TAFA4: variants seen among roughly 807,000 people sequenced by gnomAD.
TAFA4 encodes TAFA chemokine like family member 4.
TAFA4 carries 20 observed loss-of-function variants against 21.1 expected under a neutral mutation model. That is an observed-to-expected ratio of 0.95 (90% CI 0.67 to 1.38). TAFA4 has a LOEUF of 1.38. Ranked by LOEUF, TAFA4 falls within the 40% of genes most tolerant of loss-of-function variation. The pLI, the probability that TAFA4 is intolerant of heterozygous loss-of-function variation, is 0.00. For missense variants in TAFA4, 211 were observed against 180.9 expected (o/e 1.17, Z -0.95); for synonymous variants, 71 against 67.4 (o/e 1.05, Z -0.26).
intron 3 of TAFA4, among the ~76,000 whole-genome samples, chr3:68,856,926 T>C (rs2106917213): frequency 6.6e-6 from 1 of 152,246 alleles, no homozygotes; most frequent in East Asian, 1.9e-4. Flanking sequence ...ACACACAGAA[T>C]GGGTCTGAGC....
chr3:68,796,073 T>C (rs1218818874), intron 3 of TAFA4, among the ~76,000 whole-genome samples: 1 of 152,084 alleles, frequency 6.6e-6, no homozygotes, highest in Non-Finnish European at 1.5e-5. Context: ...TCTCTCTCTG[T>C]GCTGAGCTGC....
At chr3:68,821,801 T>C (rs2106863755) in intron 3 of TAFA4, among the ~76,000 whole-genome samples, 1 of 152,320 alleles carries the variant, frequency 6.6e-6, no homozygotes, top group South Asian at 2.1e-4. Flanking sequence ...TACCCTTATG[T>C]TACTTTTTAT....
At chr3:68,864,028 T>A (rs1047929297) in intron 3 of TAFA4, among the ~76,000 whole-genome samples, 3 of 152,082 alleles carry the variant, frequency 2.0e-5, no homozygotes, top group Non-Finnish European at 4.4e-5. Flanking sequence ...AAACAACCTG[T>A]GTGATCTCGG....
chr3:68,759,753 C>T (rs752384559), intron 3 of TAFA4, among the ~76,000 whole-genome samples: 14 of 152,202 alleles, frequency 9.2e-5, no homozygotes, highest in Middle Eastern at 3.4e-3. Context: ...GGCAAGACTG[C>T]GTTATCCAGA....
intron 3 of TAFA4, among the ~76,000 whole-genome samples, chr3:68,860,259 C>G (rs2089318060): frequency 6.6e-6 from 1 of 152,072 alleles, no homozygotes; most frequent in Admixed American, 6.6e-5. Flanking sequence ...TGGCACCTAC[C>G]TAATGAACAG....
intron 2 of TAFA4, among the ~76,000 whole-genome samples, chr3:68,884,386 T>G (rs577619715): frequency 4.5e-4 from 68 of 152,328 alleles, no homozygotes; most frequent in African/African-American, 2.4e-5. Context: ...CTCTCCACCA[T>G]GGCTCCAGTT....
chr3:68,805,213 T>A (rs1450152488), intron 3 of TAFA4, among the ~76,000 whole-genome samples: 1 of 152,224 alleles, frequency 6.6e-6, no homozygotes, highest in Non-Finnish European at 1.5e-5. Flanking sequence ...ATGCTCATCA[T>A]CACTGGCCAT....
At chr3:68,770,726 TA>T (rs1305346540) in intron 3 of TAFA4, among the ~76,000 whole-genome samples, 7 of 152,012 alleles carry the variant, frequency 4.6e-5, no homozygotes, top group African/African-American at 1.7e-4. Context: ...ATAAAGAAAA[TA>T]TTTTTTTGTG....
At chr3:68,849,875 G>T (rs1023810006) in intron 3 of TAFA4, among the ~76,000 whole-genome samples, 1 of 152,050 alleles carries the variant, frequency 6.6e-6, no homozygotes, top group Non-Finnish European at 1.5e-5. Flanking sequence ...CTAATCACAT[G>T]CCAGCCCCAT....
At chr3:68,793,177 T>C (rs1331730027) in intron 3 of TAFA4, among the ~76,000 whole-genome samples, 1 of 152,184 alleles carries the variant, frequency 6.6e-6, no homozygotes, top group African/African-American at 2.4e-5. Context: ...GGGAGATGGA[T>C]CTTTGAGTGA....
intron 3 of TAFA4, among the ~76,000 whole-genome samples, chr3:68,828,485 G>A (rs755807528): frequency 1.4e-4 from 22 of 152,122 alleles, no homozygotes; most frequent in Admixed American, 7.9e-4. Context: ...CCATTTCCAC[G>A]ATAAGGATTC....
intron 1 of TAFA4, among the ~76,000 whole-genome samples, chr3:68,897,703 T>C (rs2089806143): frequency 6.6e-6 from 1 of 152,210 alleles, no homozygotes; most frequent in South Asian, 2.1e-4. Context: ...AAATCTGTTT[T>C]GATGAAGACA....
chr3:68,830,054 T>C (rs1320908374), intron 3 of TAFA4, among the ~76,000 whole-genome samples: 1 of 152,104 alleles, frequency 6.6e-6, no homozygotes, highest in African/African-American at 2.4e-5. Flanking sequence ...CAGGTTTTAT[T>C]GCGTCTACTT....
At chr3:68,878,760 G>T (rs751662065) in intron 3 of TAFA4, among the ~76,000 whole-genome samples, 1 of 152,052 alleles carries the variant, frequency 6.6e-6, no homozygotes, top group Non-Finnish European at 1.5e-5. Flanking sequence ...TGTCTTTTGC[G>T]TTTTTTAGTT....
chr3:68,812,362 T>G (rs1559529413), intron 3 of TAFA4, among the ~76,000 whole-genome samples: 1 of 152,150 alleles, frequency 6.6e-6, no homozygotes, highest in East Asian at 1.9e-4. Flanking sequence ...ATGCTCCAAT[T>G]AAAAGACACA....
chr3:68,920,179 G>C (rs1054446511), intron 1 of TAFA4, among the ~76,000 whole-genome samples: 2 of 152,200 alleles, frequency 1.3e-5, no homozygotes, highest in African/African-American at 4.8e-5. Context: ...AAAGGAATGA[G>C]TGAGACCTGT....
At chr3:68,788,710 C>T (rs1553641648) in intron 3 of TAFA4, among the ~76,000 whole-genome samples, 1 of 152,188 alleles carries the variant, frequency 6.6e-6, no homozygotes, top group Non-Finnish European at 1.5e-5. Context: ...CTCCTGGGCT[C>T]AAGCCATGTT....
intron 3 of TAFA4, among the ~76,000 whole-genome samples, chr3:68,803,755 T>A (rs1166026192): frequency 1.4e-5 from 2 of 145,192 alleles, no homozygotes; most frequent in Non-Finnish European, 3.0e-5. Context: ...ATTTCTGCCC[T>A]CAAGAGGCTC....
intron 5 of TAFA4, among the ~76,000 whole-genome samples, chr3:68,736,601 A>G (rs1182143136): frequency 1.3e-5 from 2 of 152,148 alleles, no homozygotes; most frequent in African/African-American, 4.8e-5. Flanking sequence ...AATGGAAACT[A>G]TTATTGTTAT....
Sources: gnomAD v4.1 joint callset for allele counts (sites outside exome capture counted in the v4.1 genomes callset) on GRCh38, gnomAD v4.1.1 for gene constraint, MANE v1.5 for transcripts, NCBI Gene and HGNC (gene_info 2026-07-23, HGNC 2026-07-21) for gene names.